Variants in ITGAV observed in about 807,000 individuals in gnomAD.
ITGAV encodes integrin subunit alpha V.
In ITGAV, 76 loss-of-function variants were observed where a neutral mutation model predicts 143.8. The observed-to-expected ratio is 0.53, with a 90% confidence interval of 0.44 to 0.64. The LOEUF is 0.64. Ranked by LOEUF, ITGAV falls within the 30% of genes least tolerant of loss-of-function variation. The pLI is 0.00. For missense variants in ITGAV, 1,193 were observed against 1,274.7 expected (o/e 0.94, Z 0.98); for synonymous variants, 453 against 446.7 (o/e 1.01, Z -0.18).
intron 16 of ITGAV, among the ~76,000 whole-genome samples, chr2:186,656,007 T>G (rs1688571805): frequency 6.6e-6 from 1 of 152,186 alleles, no homozygotes; most frequent in African/African-American, 2.4e-5. Flanking sequence ...TACTATCATT[T>G]TTTTGGGAAT....
chr2:186,612,709 T>C (rs1267595750), intron 2 of ITGAV, among the ~76,000 whole-genome samples: 1 of 152,198 alleles, frequency 6.6e-6, no homozygotes, highest in Non-Finnish European at 1.5e-5. Flanking sequence ...ATTAAAACAC[T>C]CAGGCAGACC....
chr2:186,596,586 A>T (rs1425251830), intron 1 of ITGAV, among the ~76,000 whole-genome samples: 3 of 151,804 alleles, frequency 2.0e-5, no homozygotes, highest in Non-Finnish European at 4.4e-5. Context: ...TTTAGTAGAG[A>T]TGGGGTTTCA....
chr2:186,627,648 GT>G (rs2105693061), intron 4 of ITGAV, among the ~76,000 whole-genome samples: 1 of 152,220 alleles, frequency 6.6e-6, no homozygotes, highest in South Asian at 2.1e-4. Flanking sequence ...TGTGAATAAA[GT>G]TTTATTGGAA....
At position 186,638,265 on chromosome 2, in the gene ITGAV, T is replaced by A; in HGVS notation, c.803-12T>A. On this transcript the variant is annotated splice_polypyrimidine_tract_variant and intron_variant, in intron 8 of 29. Coordinates refer to ENST00000261023, the MANE Select transcript of ITGAV (RefSeq NM_002210.5). ...CTAAAAAATGAATAATTTGTTTGTT[T>A]GTTTGTTTCAGACTTTGTTTCAGGA... 1 of 1,613,514 alleles carries A rather than the reference T, an allele frequency of 6.2e-7. No homozygotes were observed. Among genetic ancestry groups the A allele is most frequent in the Non-Finnish European group, 8.5e-7 (1 of 1,179,510 alleles).
At chr2:186,603,181 C>T (rs1265115496) in intron 2 of ITGAV, among the ~76,000 whole-genome samples, 1 of 152,188 alleles carries the variant, frequency 6.6e-6, no homozygotes, top group Non-Finnish European at 1.5e-5. Context: ...AATAGTGTGA[C>T]ATTCTTCTAG....
At chr2:186,670,593 G>A (rs571636828) in intron 26 of ITGAV, among the ~76,000 whole-genome samples, 5 of 152,230 alleles carry the variant, frequency 3.3e-5, no homozygotes, top group African/African-American at 1.2e-4. Flanking sequence ...GAACCACCAT[G>A]CCCAGCACTG....
intron 6 of ITGAV, among the ~76,000 whole-genome samples, chr2:186,633,837 A>G (rs1687882982): frequency 6.6e-6 from 1 of 152,042 alleles, no homozygotes; most frequent in Non-Finnish European, 1.5e-5. Flanking sequence ...TATTACTGAT[A>G]TTGAGAATGA....
intron 1 of ITGAV, among the ~76,000 whole-genome samples, chr2:186,601,461 TA>T (rs113707694): frequency 0.035 from 5,027 of 145,102 alleles, 282 homozygotes; most frequent in African/African-American, 0.11. Flanking sequence ...CTGTGTCTCT[TA>T]AAAAAAAAAA....
At chr2:186,607,296 A>G (rs1435718720) in intron 2 of ITGAV, among the ~76,000 whole-genome samples, 1 of 152,210 alleles carries the variant, frequency 6.6e-6, no homozygotes, top group East Asian at 1.9e-4. Flanking sequence ...CAAGAAAATT[A>G]GCTGTAATTA....
At chr2:186,591,979 A>C (rs1686627354) in intron 1 of ITGAV, among the ~76,000 whole-genome samples, 1 of 152,208 alleles carries the variant, frequency 6.6e-6, no homozygotes, top group Non-Finnish European at 1.5e-5. Flanking sequence ...CACAGGGGTG[A>C]ATACCAAACG....
At chr2:186,652,804 A>T (rs182836819) in intron 15 of ITGAV, among the ~76,000 whole-genome samples, 1 of 152,088 alleles carries the variant, frequency 6.6e-6, no homozygotes, top group African/African-American at 2.4e-5. Context: ...TTCCTTTACT[A>T]GTTTCCAAAG....
At chr2:186,592,586 T>C (rs1254315698) in intron 1 of ITGAV, among the ~76,000 whole-genome samples, 3 of 144,290 alleles carry the variant, frequency 2.1e-5, no homozygotes, top group African/African-American at 7.5e-5. Context: ...TTTTTTTTTT[T>C]CCATGAAAAA....
chr2:186,664,000 T>C (rs1574499058), intron 19 of ITGAV, among the ~76,000 whole-genome samples, 165 bp downstream of exon 19: 1 of 152,204 alleles, frequency 6.6e-6, no homozygotes, highest in Non-Finnish European at 1.5e-5. Flanking sequence ...AAAGAAAATA[T>C]CCACTGTGTT....
chr2:186,623,590 A>C (rs1446739471), intron 3 of ITGAV, among the ~76,000 whole-genome samples: 3 of 152,102 alleles, frequency 2.0e-5, no homozygotes, highest in Non-Finnish European at 4.4e-5. Context: ...CCCCAAATCT[A>C]TACCTCTAGC....
chr2:186,668,453 G>C lies in ITGAV; in HGVS notation c.2434-309G>C, dbSNP rs547025978. 536 of 283,056 alleles carry C rather than the reference G, an allele frequency of 1.9e-3. 7 individuals are homozygous for C. Among genetic ancestry groups the C allele is most frequent in the South Asian group, 0.017 (521 of 30,444 alleles). The allele number at this position is 283,056 out of a possible 1,614,324, so 17.5% of individuals were successfully genotyped here. On this transcript the variant is annotated intron_variant, in intron 24 of 29. Coordinates refer to ENST00000261023, the MANE Select transcript of ITGAV (RefSeq NM_002210.5). The stretch of plus-strand genomic sequence containing the variant: ...CAGGTTTCACCACGTTGGCCAGGCT[G>C]GACATGAACTCCTGACCTCAAGAGA...
intron 4 of ITGAV, among the ~76,000 whole-genome samples, chr2:186,629,708 A>AG (rs1687766917): frequency 6.6e-6 from 1 of 152,096 alleles, no homozygotes; most frequent in African/African-American, 2.4e-5. Flanking sequence ...TTGTGACTGA[A>AG]AACAGATATT....
chr2:186,659,997 G>A (rs61763062), intron 18 of ITGAV, among the ~76,000 whole-genome samples: 108 of 151,652 alleles, frequency 7.1e-4, no homozygotes, highest in African/African-American at 2.5e-3. Context: ...TATTTTTAAT[G>A]AATGCACAAT....
rs201045521 is a variant in ITGAV at position 186,622,367 on chromosome 2, A to T, written c.345A>T (p.Pro115=). 5.6e-6 allele frequency: 9 copies of T among 1,613,436 alleles called. No individual in the cohort carries two copies. Among genetic ancestry groups the T allele is most frequent in the Non-Finnish European group, 7.6e-6 (9 of 1,179,504 alleles). ...TGNRDYAKDD[P]LEFKSHQWFG... ...ATAGAGATTATGCCAAGGATGATCC[A>T]TTGGAATTTAAGTCCCATCAGTGGT... The change falls in exon 3 of 30, where the codon CCA becomes CCT. Residue 115 remains proline (P), a synonymous_variant. Coordinates refer to ENST00000261023, the MANE Select transcript of ITGAV (RefSeq NM_002210.5).
chr2:186,671,440 C>A (rs1255012802), intron 26 of ITGAV, among the ~76,000 whole-genome samples: 3 of 152,098 alleles, frequency 2.0e-5, no homozygotes, highest in African/African-American at 7.2e-5. Flanking sequence ...GCCTGGAATT[C>A]TTTGTCCAGA....
Sources: gnomAD v4.1 joint callset for allele counts (sites outside exome capture counted in the v4.1 genomes callset) on GRCh38, gnomAD v4.1.1 for gene constraint, MANE v1.5 for transcripts, NCBI Gene and HGNC (gene_info 2026-07-23, HGNC 2026-07-21) for gene names.